The following TJP1 variants were observed in gnomAD, a reference collection of about 807,000 sequenced individuals.
TJP1 encodes tight junction protein ZO-1.
TJP1 carries 43 observed loss-of-function variants against 194.2 expected under a neutral mutation model. The ratio of observed to expected loss-of-function variants is 0.22; its 90% CI spans 0.17 to 0.29. TJP1 has a LOEUF of 0.29. TJP1 is among the 10% of genes least tolerant of loss of function. The pLI is 1.00. For synonymous variants in TJP1, 801 were observed against 779.0 expected, an observed-to-expected ratio of 1.03 and a Z score of -0.47; for missense variants, 1,971 against 2,185.7, an observed-to-expected ratio of 0.90 and a Z score of 1.96.
intron 2 of TJP1, among the ~76,000 whole-genome samples, chr15:29,780,113 AT>A (rs1486956827): frequency 6.6e-6 from 1 of 152,104 alleles, no homozygotes; most frequent in African/African-American, 2.4e-5. Context: ...TTTGAAGACA[AT>A]TTTTCCACAG....
chr15:29,855,661 G>A (rs1345858277), intron 2 of TJP1, among the ~76,000 whole-genome samples: 1 of 152,116 alleles, frequency 6.6e-6, no homozygotes, highest in East Asian at 1.9e-4. Flanking sequence ...TTCAAGACCA[G>A]CCTGGCCAAC....
intron 9 of TJP1, among the ~76,000 whole-genome samples, chr15:29,741,902 TC>T (rs1328505000): frequency 6.6e-6 from 1 of 152,126 alleles, no homozygotes; most frequent in Non-Finnish European, 1.5e-5. Context: ...CCTTGCTGAT[TC>T]TGTTTTGTCT....
chr15:29,842,088 G>C (rs764015497), intron 2 of TJP1, among the ~76,000 whole-genome samples: 22 of 152,132 alleles, frequency 1.4e-4, no homozygotes, highest in Non-Finnish European at 2.8e-4. Context: ...TCCAGATACA[G>C]TAAGTCCTCA....
intron 2 of TJP1, among the ~76,000 whole-genome samples, chr15:29,926,691 T>A (rs2054538636): frequency 6.6e-6 from 1 of 152,018 alleles, no homozygotes; most frequent in Admixed American, 6.6e-5. Context: ...TAATACCTAA[T>A]CTGGTTCTAC....
chr15:29,862,183 CT>C (rs2052105404), intron 2 of TJP1, among the ~76,000 whole-genome samples: 1 of 152,110 alleles, frequency 6.6e-6, no homozygotes, highest in Non-Finnish European at 1.5e-5. Flanking sequence ...GTTAAAATTA[CT>C]TTGTGTTGAG....
At chr15:29,873,969 T>C (rs990422081) in intron 2 of TJP1, among the ~76,000 whole-genome samples, 11 of 152,168 alleles carry the variant, frequency 7.2e-5, no homozygotes, top group Non-Finnish European at 1.5e-4. Flanking sequence ...CTCAAAACTC[T>C]AAATTAAAAG....
At chr15:29,819,903 T>A (rs1596025820) in intron 1 of TJP1, among the ~76,000 whole-genome samples, 1 of 152,210 alleles carries the variant, frequency 6.6e-6, no homozygotes, top group South Asian at 2.1e-4. Context: ...TTTGCCTCGG[T>A]AATTCCATTT....
chr15:29,789,333 G>C (rs1157068009), intron 2 of TJP1, among the ~76,000 whole-genome samples: 1 of 152,116 alleles, frequency 6.6e-6, no homozygotes, highest in East Asian at 1.9e-4. Flanking sequence ...CAACCCTTGT[G>C]AAAGTTATAA....
intron 2 of TJP1, among the ~76,000 whole-genome samples, chr15:29,884,744 G>A (rs898808462): frequency 3.9e-5 from 6 of 152,136 alleles, no homozygotes; most frequent in South Asian, 2.1e-4. Flanking sequence ...ACAACTGAGC[G>A]GAGATGAGAC....
chr15:29,878,409 T>C (rs2052791980), intron 2 of TJP1, among the ~76,000 whole-genome samples: 1 of 152,216 alleles, frequency 6.6e-6, no homozygotes, highest in Non-Finnish European at 1.5e-5. Flanking sequence ...TAAACTGACT[T>C]GATCTCCTTG....
At chr15:29,783,665 G>A (rs2047517558) in intron 2 of TJP1, among the ~76,000 whole-genome samples, 2 of 152,190 alleles carry the variant, frequency 1.3e-5, no homozygotes, top group African/African-American at 4.8e-5. Flanking sequence ...GCAAGAACAC[G>A]GGTGGAATGG....
intron 2 of TJP1, among the ~76,000 whole-genome samples, chr15:29,830,200 G>C (rs1160111247): frequency 6.6e-6 from 1 of 151,798 alleles, no homozygotes; most frequent in Admixed American, 6.6e-5. Context: ...TAGTCTTTTA[G>C]TAATAACACT....
At position 29,731,079 on chromosome 15, in the gene TJP1, C is replaced by CT. The variant is rs202239834; in HGVS notation, c.2017+1353dup. On this transcript the variant is annotated intron_variant, in intron 15 of 27. Coordinates refer to ENST00000614355, the MANE Select transcript of TJP1 (RefSeq NM_001330239.4). ...TATAAAAATGCAGAATTTTGTTTTA[C>CT]TTTTTTTTTTTTTTTTTTAAGCTAT... 7.6e-3 allele frequency: 4,502 copies of CT among 595,924 alleles called. 40 individuals carry two copies. Among genetic ancestry groups the CT allele is most frequent in the East Asian group, 0.051 (1,687 of 33,364 alleles). 36.9% of individuals were successfully genotyped at this position (595,924 alleles called of 1,614,324 possible). A position where few individuals can be genotyped will look rare whatever the true frequency, so the allele number is the denominator to read the frequency against.
rs780493261 is a variant in TJP1 at position 29,705,612 on chromosome 15, C to T, written c.4984G>A (p.Ala1662Thr). ...TGVSIIIPQG[A>T]IPEGVEQEIY... ...TCCTGCTCAACTCCTTCGGGAATGGCTCCTTGAGGGATAATTATACTAACA... is the reference window on the plus strand; with the variant it reads ...TCCTGCTCAACTCCTTCGGGAATGGTTCCTTGAGGGATAATTATACTAACA... Residue 1662 changes from alanine to threonine, a missense_variant, in exon 26 of 28, where the codon GCC (alanine) becomes ACC (threonine). By Grantham distance (58) the Ala-to-Thr change is moderately conservative. Around this residue, in one of 5 missense-constraint regions of TJP1, gnomAD observed 1,108 missense variants for 1,128.5 expected, o/e 0.98. Transcript: ENST00000614355. 3 of 1,614,248 alleles carry T rather than the reference C, an allele frequency of 1.9e-6. No individual in the cohort carries two copies. In the Admixed American group the frequency reaches 5.0e-5, roughly 27 times the overall value.
chr15:29,898,287 C>T (rs1182863158), intron 2 of TJP1, among the ~76,000 whole-genome samples: 4 of 152,152 alleles, frequency 2.6e-5, no homozygotes, highest in Non-Finnish European at 5.9e-5. Context: ...TTGTCTGCCG[C>T]CATGTGAGAC....
intron 2 of TJP1, among the ~76,000 whole-genome samples, chr15:29,779,536 C>T (rs1195582925): frequency 6.6e-6 from 1 of 152,212 alleles, no homozygotes; most frequent in Non-Finnish European, 1.5e-5. Context: ...CAGTGACTGG[C>T]TTGCTAGTTC....
rs1474083701 is a variant in TJP1, at chr15:29,710,907, G to T, written c.4296C>A (p.Pro1432=). 2 of 1,614,066 alleles carry T rather than the reference G, an allele frequency of 1.2e-6. No individual in the cohort carries two copies. Among genetic ancestry groups the T allele is most frequent in the African/African-American group, 2.7e-5 (2 of 74,934 alleles). ...GCTGAGATGGCTGGGCATACTGCGA[G>T]GGCAATGGAGGAGGAGGGGGAGTGG... ...IQATPPPPPL[P]SQYAQPSQPV... Residue 1432 remains proline (P), a synonymous_variant, in exon 24 of 28, where the codon CCC becomes CCA. Coordinates refer to ENST00000614355, the MANE Select transcript of TJP1 (RefSeq NM_001330239.4).
At chr15:29,926,055 G>A (rs2054514281) in intron 2 of TJP1, among the ~76,000 whole-genome samples, 1 of 152,114 alleles carries the variant, frequency 6.6e-6, no homozygotes, top group Non-Finnish European at 1.5e-5. Flanking sequence ...AGCTCACCAT[G>A]CCAGGACCCA....
chr15:29,928,499 T>C (rs976925730), intron 2 of TJP1, among the ~76,000 whole-genome samples: 1 of 152,228 alleles, frequency 6.6e-6, no homozygotes, highest in African/African-American at 2.4e-5. Flanking sequence ...GTGTAACCTA[T>C]GATGCAGTGA....
Sources: gnomAD v4.1 joint callset for allele counts (sites outside exome capture counted in the v4.1 genomes callset) on GRCh38, gnomAD v4.1.1 for gene constraint, gnomAD v4.1.1 regional missense constraint, MANE v1.5 for transcripts, NCBI Gene and HGNC (gene_info 2026-07-23, HGNC 2026-07-21) for gene names.